Variants in CHRNB4 observed in about 807,000 individuals in gnomAD.
CHRNB4 encodes the protein neuronal acetylcholine receptor subunit beta-4.
In CHRNB4, 23 loss-of-function variants were observed where a neutral mutation model predicts 40.4. The observed-to-expected ratio is 0.57, with a 90% CI of 0.41 to 0.81. The LOEUF is 0.81. CHRNB4 is among the 30% of genes least tolerant of loss of function. The probability of loss-of-function intolerance (pLI) is 0.00; values close to 1 mark genes in which losing one functional copy is unlikely to be tolerated. For synonymous variants in CHRNB4, 285 were observed against 274.4 expected (o/e 1.04, Z -0.38); for missense variants, 568 against 670.6 (o/e 0.85, Z 1.69).
chr15:78,625,058 G>A lies in CHRNB4; in HGVS notation c.*75C>T, dbSNP rs555334367. 5 of 1,609,676 alleles carry A rather than the reference G, an allele frequency of 3.1e-6. No individual in the cohort carries two copies. In the East Asian group the frequency reaches 8.9e-5, roughly 29 times the overall value. ...CACATATTTACTTAGGGCCTCATCA[G>A]CCACAACCCAGAAAGAAGCAGCAAA... On this transcript the variant is annotated 3_prime_UTR_variant, in exon 6 of 6. Transcript: ENST00000261751.
At chr15:78,651,017 C>T (rs535202773) in intron 6 of CHRNB4, among the ~76,000 whole-genome samples, 1 of 152,242 alleles carries the variant, frequency 6.6e-6, no homozygotes, top group Non-Finnish European at 1.5e-5. Flanking sequence ...CCTCTGACAT[C>T]AAAATGGACC....
chr15:78,635,878 C>G (rs2053938256), intron 1 of CHRNB4, among the ~76,000 whole-genome samples: 1 of 152,172 alleles, frequency 6.6e-6, no homozygotes, highest in South Asian at 2.1e-4. Context: ...TTCTTGACCT[C>G]TCCCTTGGTT....
chr15:78,627,402 C>A (rs1407377497), intron 5 of CHRNB4: 2 of 152,120 alleles, frequency 1.3e-5, no homozygotes, highest in Non-Finnish European at 2.9e-5. Flanking sequence ...AGAACTACAC[C>A]AGAAGAATAT....
chr15:78,652,151 G>A (rs1166699376), intron 6 of CHRNB4, among the ~76,000 whole-genome samples: 6 of 152,202 alleles, frequency 3.9e-5, no homozygotes. Flanking sequence ...GCTGCAGCAG[G>A]AGGTGGAGCA....
intron 1 of CHRNB4, among the ~76,000 whole-genome samples, chr15:78,658,812 T>G (rs2054232728): frequency 6.6e-6 from 1 of 152,020 alleles, no homozygotes. Context: ...GGCCTCCAAA[T>G]AAAAATTCCC....
At chr15:78,638,453 G>A (rs1051234070) in intron 1 of CHRNB4, among the ~76,000 whole-genome samples, 5 of 152,260 alleles carry the variant, frequency 3.3e-5, no homozygotes, top group East Asian at 1.9e-4. Flanking sequence ...GGAGGAACCA[G>A]GTATAGGAGC....
At chr15:78,654,184 G>A (rs1347122713) in intron 5 of CHRNB4, among the ~76,000 whole-genome samples, 1 of 152,162 alleles carries the variant, frequency 6.6e-6, no homozygotes, top group Non-Finnish European at 1.5e-5. Context: ...GAAGCCTAAT[G>A]CTCTGTACCA....
chr15:78,641,738 T>C (rs1263103961), upstream of CHRNB4, among the ~76,000 whole-genome samples: 1 of 152,048 alleles, frequency 6.6e-6, no homozygotes, highest in Non-Finnish European at 1.5e-5. Context: ...TCACCCAGCT[T>C]GGGGGCTGGG....
chr15:78,640,146 T>C lies in CHRNB4; in HGVS notation c.55+933A>G, dbSNP rs554404438. Among the ~76,000 whole-genome samples the C allele has an allele frequency of 9.2e-5, 14 of 152,258 alleles. 1 individual carries two copies. The South Asian group carries it at 2.9e-3, about 32-fold the overall frequency. On this transcript the variant is annotated intron_variant, in intron 1 of 5. Transcript: ENST00000261751. ...TATGGCTTCCTCTCAGATTATTAGCTCCTTATATATTCCCTGACTCCTACC... is the reference window on the plus strand; with the variant it reads ...TATGGCTTCCTCTCAGATTATTAGCCCCTTATATATTCCCTGACTCCTACC...
At chr15:78,643,683 C>T (rs1240194988), upstream of CHRNB4, among the ~76,000 whole-genome samples, 1 of 151,912 alleles carries the variant, frequency 6.6e-6, no homozygotes, top group Non-Finnish European at 1.5e-5. Context: ...AAAAAACTAC[C>T]TGTATTTGCA....
chr15:78,644,523 G>T (rs1177904435), upstream of CHRNB4, among the ~76,000 whole-genome samples: 3 of 152,036 alleles, frequency 2.0e-5, no homozygotes, highest in East Asian at 5.8e-4. Context: ...ACCTGCTGGT[G>T]CCTTGATCTT....
chr15:78,648,512 T>C (rs1300958014), intron 7 of CHRNB4, among the ~76,000 whole-genome samples: 1 of 151,818 alleles, frequency 6.6e-6, no homozygotes, highest in East Asian at 1.9e-4. Flanking sequence ...TCCCAGCACT[T>C]TGGGAGGCCG....
intron 1 of CHRNB4, chr15:78,660,384 T>A (rs1384546846): frequency 3.3e-5 from 5 of 152,274 alleles, no homozygotes; most frequent in Admixed American, 6.5e-5. Context: ...AATTGTTTCC[T>A]GGGAGAAGCC....
chr15:78,654,207 G>A (rs554393581), intron 5 of CHRNB4, among the ~76,000 whole-genome samples: 5 of 152,304 alleles, frequency 3.3e-5, no homozygotes, highest in South Asian at 4.1e-4. Context: ...GTTTTGGCAC[G>A]TTGCTGGGAA....
intron 5 of CHRNB4, chr15:78,626,341 G>GGTGTGTGTGTGTGTGTGTGTGTGTGT (rs747140868): frequency 1.3e-5 from 1 of 74,352 alleles, no homozygotes; most frequent in African/African-American, 5.2e-5. Flanking sequence ...TTCAAGCGGG[G>GGTGTGTGTGTGTGTGTGTGTGTGTGT]GTGTGTGTGT....
intron 5 of CHRNB4, chr15:78,655,442 C>CTATATATCTATATCTATATCTATA: frequency 7.4e-6 from 1 of 135,950 alleles, no homozygotes; most frequent in African/African-American, 2.6e-5. Context: ...CTATATATAT[C>CTATATATCTATATCTATATCTATA]TATATCTATA....
chr15:78,649,303 C>A, intron 7 of CHRNB4: 1 of 413,426 alleles, frequency 2.4e-6, no homozygotes, highest in Non-Finnish European at 4.8e-6. Context: ...CATAGTCACC[C>A]TTGTGTAGTG....
chr15:78,651,235 T>C (rs540414138), intron 6 of CHRNB4, among the ~76,000 whole-genome samples: 10 of 152,008 alleles, frequency 6.6e-5, no homozygotes, highest in African/African-American at 2.4e-4. Flanking sequence ...GGCCTCAGGG[T>C]TCATGGATAA....
intron 6 of CHRNB4, chr15:78,649,500 TGCAAA>T: frequency 2.3e-6 from 1 of 430,762 alleles, no homozygotes. Context: ...AATAAAACAA[TGCAAA>T]GCAAAGACTG....
Sources: allele counts gnomAD v4.1 joint callset (sites outside exome capture counted in the v4.1 genomes callset), GRCh38; gene constraint gnomAD v4.1.1; transcripts MANE v1.5; gene names NCBI Gene and HGNC (gene_info 2026-07-23, HGNC 2026-07-21).